Variants in TAX1BP1 observed in about 807,000 individuals in gnomAD.
TAX1BP1 encodes tax1-binding protein 1.
In TAX1BP1, 62 loss-of-function variants were observed where a neutral mutation model predicts 97.7. The ratio of observed to expected loss-of-function variants is 0.63; its 90% confidence interval spans 0.52 to 0.78. The LOEUF (loss-of-function observed/expected upper bound fraction) is 0.78, where lower values mean the gene tolerates loss of function less well. Among genes scored for constraint, TAX1BP1 ranks in the 30% least tolerant of loss-of-function variants. TAX1BP1 has a pLI of 0.00. For missense variants in TAX1BP1, 867 were observed against 916.1 expected (o/e 0.95, Z 0.69); for synonymous variants, 340 against 304.2 (o/e 1.12, Z -1.23).
chr7:27,823,253 T>G (rs1160414378), intron 15 of TAX1BP1, among the ~76,000 whole-genome samples: 2 of 152,162 alleles, frequency 1.3e-5, no homozygotes, highest in Non-Finnish European at 2.9e-5. Flanking sequence ...CAAAGAGATA[T>G]TCTCTTGTTT....
chr7:27,796,394 A>G (rs1789934372), intron 12 of TAX1BP1, among the ~76,000 whole-genome samples, 175 bp downstream of exon 12: 1 of 152,200 alleles, frequency 6.6e-6, no homozygotes, highest in Admixed American at 6.5e-5. Context: ...ACCTGTTCAC[A>G]TAGGCGTGTG....
intron 1 of TAX1BP1, among the ~76,000 whole-genome samples, chr7:27,740,738 T>C (rs1286979494): frequency 1.3e-5 from 2 of 152,080 alleles, no homozygotes; most frequent in African/African-American, 4.8e-5. Context: ...GACGCTGGGG[T>C]TTGCCTTTGC....
intron 4 of TAX1BP1, 90 bp from the exon 5 acceptor site, chr7:27,769,586 T>G: frequency 9.1e-7 from 1 of 1,099,764 alleles, no homozygotes; most frequent in African/African-American, 1.6e-5. Context: ...ATGTCTTCAT[T>G]ATTTTTTTTG....
At chr7:27,798,894 GT>G (rs1277001307) in intron 12 of TAX1BP1, among the ~76,000 whole-genome samples, 47 of 136,104 alleles carry the variant, frequency 3.5e-4, no homozygotes, top group Admixed American at 1.2e-3. Context: ...CTTGAGTTGT[GT>G]TTTTTTTTTT....
chr7:27,767,859 T>C lies in TAX1BP1; in HGVS notation c.454-1817T>C, dbSNP rs572966853. Among the ~76,000 whole-genome samples the C allele has an allele frequency of 3.9e-5, 6 of 152,228 alleles. No homozygotes were observed. In the East Asian group the frequency reaches 1.2e-3, roughly 29 times the overall value. On this transcript the variant is annotated intron_variant, in intron 4 of 16. Transcript: ENST00000396319. ...GTTTCTTAAGTAAATATTTCTGAGATTAAATGTTTTTTTAACAAATATTTT... is the reference window on the plus strand; with the variant it reads ...GTTTCTTAAGTAAATATTTCTGAGACTAAATGTTTTTTTAACAAATATTTT...
chr7:27,769,968 C>G (rs371309192), intron 5 of TAX1BP1, 134 bp downstream of exon 5: 1 of 762,244 alleles, frequency 1.3e-6, no homozygotes, highest in African/African-American at 1.8e-5. Flanking sequence ...GACGTTTATA[C>G]AAGAACAGGT....
chr7:27,812,040 G>T (rs193258721), intron 13 of TAX1BP1, among the ~76,000 whole-genome samples: 285 of 152,274 alleles, frequency 1.9e-3, no homozygotes, highest in Non-Finnish European at 3.0e-3. Context: ...GGCTTATATG[G>T]TAAGTGTATG....
chr7:27,768,534 CTTTATT>C (rs1321622265), intron 4 of TAX1BP1, among the ~76,000 whole-genome samples: 5 of 151,658 alleles, frequency 3.3e-5, no homozygotes, highest in African/African-American at 7.2e-5. Context: ...CAAGATATAT[CTTTATT>C]TTTAAGTTGC....
intron 13 of TAX1BP1, among the ~76,000 whole-genome samples, chr7:27,806,466 C>T (rs982532216): frequency 1.3e-5 from 2 of 151,782 alleles, no homozygotes; most frequent in African/African-American, 2.4e-5. Context: ...AAGTTTATCT[C>T]GTTCTAAATT....
chr7:27,752,539 G>GT (rs1788058196), intron 2 of TAX1BP1, among the ~76,000 whole-genome samples: 1 of 152,182 alleles, frequency 6.6e-6, no homozygotes, highest in African/African-American at 2.4e-5. Flanking sequence ...TACTATGGTG[G>GT]TTTTGAGTAC....
intron 2 of TAX1BP1, among the ~76,000 whole-genome samples, chr7:27,750,330 A>G (rs1413596792): frequency 6.6e-6 from 1 of 152,216 alleles, no homozygotes; most frequent in Non-Finnish European, 1.5e-5. Context: ...TGCAAAGGAA[A>G]TGCTTATTGG....
At chr7:27,745,571 G>C (rs937340919) in intron 1 of TAX1BP1, among the ~76,000 whole-genome samples, 1 of 152,060 alleles carries the variant, frequency 6.6e-6, no homozygotes, top group African/African-American at 2.4e-5. Context: ...TATAATTATA[G>C]CAATGAAATT....
At chr7:27,797,516 T>A (rs953406966) in intron 12 of TAX1BP1, among the ~76,000 whole-genome samples, 5 of 152,048 alleles carry the variant, frequency 3.3e-5, no homozygotes. Context: ...GGGAGGGGCA[T>A]TTTTTAGAGC....
rs771033525 is a variant in TAX1BP1, at chr7:27,794,328, T to G, written c.1416T>G (p.Asn472Lys). Residue 472 changes from asparagine to lysine, a missense_variant, in exon 11 of 17, where the codon AAT becomes AAG. By Grantham distance (94) the Asn-to-Lys change is moderately conservative. This residue lies in a region of TAX1BP1 where 822 missense variants were observed against 851.4 expected (regional missense o/e 0.97). Transcript: ENST00000396319. The part of the protein sequence containing the change: ...QINKLSDQSA[N>K]NNNVFTKKTG... ...CTTATTAACATTTTGAATAGGCTAA[T>G]AATAATAATGTCTTCACAAAGAAAA... The G allele has an allele frequency of 1.9e-6, 3 of 1,609,978 alleles. No homozygotes were observed. Among genetic ancestry groups the G allele is most frequent in the Non-Finnish European group, 2.5e-6 (3 of 1,177,612 alleles).
intron 4 of TAX1BP1, 108 bp downstream of exon 4, chr7:27,766,129 C>A: frequency 8.3e-7 from 1 of 1,204,144 alleles, no homozygotes; most frequent in South Asian, 1.5e-5. Flanking sequence ...CCACAAAAAT[C>A]GAATGCTTTG....
At chr7:27,782,508 C>G (rs898613468) in intron 5 of TAX1BP1, among the ~76,000 whole-genome samples, 3 of 152,106 alleles carry the variant, frequency 2.0e-5, no homozygotes, top group African/African-American at 4.8e-5. Flanking sequence ...CCTAGGCCCC[C>G]CAAAGTGCTG....
intron 13 of TAX1BP1, among the ~76,000 whole-genome samples, chr7:27,810,822 C>G (rs1016822002): frequency 1.3e-5 from 2 of 152,082 alleles, no homozygotes; most frequent in African/African-American, 4.8e-5. Flanking sequence ...TTTTACCAAG[C>G]CTGAAATACG....
chr7:27,794,184 T>C (rs573275083), intron 10 of TAX1BP1, 139 bp from the exon 11 acceptor site: 1 of 714,230 alleles, frequency 1.4e-6, no homozygotes, highest in Admixed American at 3.5e-5. Context: ...CTTTGTTGGC[T>C]TTTAAAACAA....
intron 13 of TAX1BP1, among the ~76,000 whole-genome samples, chr7:27,806,380 GT>G (rs550558399): frequency 0.018 from 2,584 of 143,104 alleles, 50 homozygotes; most frequent in African/African-American, 0.054. Flanking sequence ...GCCACCATCA[GT>G]TTTTTTTTTT....
Sources: allele counts gnomAD v4.1 joint callset (sites outside exome capture counted in the v4.1 genomes callset), GRCh38; gene constraint gnomAD v4.1.1; regional missense constraint gnomAD v4.1.1; transcripts MANE v1.5; gene names NCBI Gene and HGNC (gene_info 2026-07-23, HGNC 2026-07-21).